The following ZEB2 variants were observed in gnomAD, a reference collection of about 807,000 sequenced individuals.
The protein encoded by ZEB2 is zinc finger E-box-binding homeobox 2.
Under a neutral mutation model 99.9 loss-of-function variants are expected in ZEB2, and 6 were observed. That is an observed-to-expected ratio of 0.06 (90% CI 0.03 to 0.12). The LOEUF (loss-of-function observed/expected upper bound fraction) is 0.12, where lower values mean the gene tolerates loss of function less well. ZEB2 is among the 10% of genes least tolerant of loss of function. ZEB2 has a pLI of 1.00. For synonymous variants in ZEB2, 517 were observed against 542.5 expected (o/e 0.95, Z 0.65); for missense variants, 969 against 1,502.8 (o/e 0.64, Z 5.87).
intron 2 of ZEB2, among the ~76,000 whole-genome samples, chr2:144,454,729 T>C (rs951902968): frequency 3.3e-5 from 5 of 152,208 alleles, no homozygotes; most frequent in Admixed American, 6.5e-5. Context: ...TCTCCACTTA[T>C]AGTTTATTCT....
chr2:144,518,268 C>T (rs1473814576), intron 1 of ZEB2: 1 of 152,000 alleles, frequency 6.6e-6, no homozygotes, highest in African/African-American at 2.4e-5. Context: ...TGATCGTATC[C>T]TTTCTGGCTT....
Position 144,517,722 on chromosome 2 carries a change from C to T in ZEB2, c.-69-303G>A, listed in dbSNP as rs1259576031. ...AATGCACACGGCGGTACAGTAAGAC[C>T]GCTTGACTCAGGGCTAGGCGGACCC... On this transcript the variant is annotated intron_variant, in intron 1 of 9. Coordinates refer to ENST00000627532, the MANE Select transcript of ZEB2 (RefSeq NM_014795.4). 3 of 702,624 alleles carry T rather than the reference C, an allele frequency of 4.3e-6. No individual in the cohort carries two copies. In the African/African-American group the frequency reaches 5.2e-5, roughly 12 times the overall value. The allele number at this position is 702,624 out of a possible 1,614,324, so 43.5% of individuals were successfully genotyped here.
chr2:144,512,327 G>A (rs1311213442), intron 2 of ZEB2: 2 of 1,287,206 alleles, frequency 1.6e-6, no homozygotes, highest in Admixed American at 4.6e-5. Flanking sequence ...AAAAACTGTT[G>A]CAAGGAAAAG....
At chr2:144,479,683 T>TGGGGGGGG (rs75706490) in intron 2 of ZEB2, among the ~76,000 whole-genome samples, 1 of 52,552 alleles carries the variant, frequency 1.9e-5, no homozygotes, top group African/African-American at 5.9e-5. Flanking sequence ...TACTTTTTTT[T>TGGGGGGGG]GGGGGGGGGG....
At chr2:144,414,937 C>T (rs149823648) in intron 4 of ZEB2, among the ~76,000 whole-genome samples, 6 of 114,690 alleles carry the variant, frequency 5.2e-5, no homozygotes, top group African/African-American at 2.1e-4. Flanking sequence ...AAAATGCCCA[C>T]TTCAGAGTGT....
intron 2 of ZEB2, among the ~76,000 whole-genome samples, chr2:144,453,311 T>A (rs1203932014): frequency 6.6e-6 from 1 of 152,192 alleles, no homozygotes; most frequent in Admixed American, 6.5e-5. Flanking sequence ...TATGCAAAAG[T>A]CCCCATTTGT....
At chr2:144,452,815 G>A (rs1258414025) in intron 2 of ZEB2, among the ~76,000 whole-genome samples, 1 of 152,126 alleles carries the variant, frequency 6.6e-6, no homozygotes, top group Non-Finnish European at 1.5e-5. Flanking sequence ...AGAGAGAGGA[G>A]GAAAAGCAAA....
At chr2:144,464,750 T>C (rs1352507598) in intron 2 of ZEB2, among the ~76,000 whole-genome samples, 1 of 152,192 alleles carries the variant, frequency 6.6e-6, no homozygotes, top group Admixed American at 6.5e-5. Context: ...ATACATATTA[T>C]GCATTAAATT....
chr2:144,389,632 T>A lies in ZEB2; in HGVS notation c.3464A>T (p.Asp1155Val). ...TTCCTCCTCGAACTCCTCGTCGCCATCCTGTCTGCCCAGCTTCCCGTAGCC... is the reference window on the plus strand; with the variant it reads ...TTCCTCCTCGAACTCCTCGTCGCCAACCTGTCTGCCCAGCTTCCCGTAGCC... ...EDGYGKLGRQ[D>V]GDEEFEEEEE... The change falls in exon 10 of 10, where the codon GAT (aspartate) becomes GTT (valine). Residue 1155 changes from aspartate (D) to valine (V), a missense_variant. Asp to Val is a radical substitution (Grantham distance 152). Around this residue, in one of 8 missense-constraint regions of ZEB2, gnomAD observed 121 missense variants for 166.4 expected, o/e 0.73. Coordinates refer to ENST00000627532, the MANE Select transcript of ZEB2 (RefSeq NM_014795.4). The surrounding 1 kb of genome is among the most constrained non-coding windows in gnomAD (Gnocchi z 6.8). The A allele has an allele frequency of 6.2e-7, 1 of 1,614,124 alleles. No individual in the cohort carries two copies. Among genetic ancestry groups the A allele is most frequent in the Non-Finnish European group, 8.5e-7 (1 of 1,180,014 alleles).
At chr2:144,497,533 C>G (rs1161119817) in intron 2 of ZEB2, among the ~76,000 whole-genome samples, 1 of 151,862 alleles carries the variant, frequency 6.6e-6, no homozygotes, top group East Asian at 1.9e-4. Context: ...ATTCAAAGCT[C>G]TGATCACTCT....
chr2:144,440,505 ATATATATATATTTTTTTTT>A (rs1162351135), intron 2 of ZEB2, among the ~76,000 whole-genome samples: 3 of 15,630 alleles, frequency 1.9e-4, no homozygotes, highest in African/African-American at 6.7e-4. Context: ...ATATATATAT[ATATATATATATTTTTTTTT>A]TTTTTTTTTT....
At chr2:144,499,100 C>G (rs1446122703) in intron 2 of ZEB2, among the ~76,000 whole-genome samples, 1 of 152,160 alleles carries the variant, frequency 6.6e-6, no homozygotes, top group African/African-American at 2.4e-5. Context: ...TCAGATTGAT[C>G]TGCCACAATT....
intron 2 of ZEB2, among the ~76,000 whole-genome samples, chr2:144,466,938 T>C (rs770056822): frequency 5.9e-5 from 9 of 152,292 alleles, no homozygotes; most frequent in Non-Finnish European, 1.3e-4. Flanking sequence ...GCTGCAGGTG[T>C]GCAGGCCTGG....
At chr2:144,451,856 C>A (rs1268108909) in intron 2 of ZEB2, among the ~76,000 whole-genome samples, 2 of 152,238 alleles carry the variant, frequency 1.3e-5, no homozygotes, top group Admixed American at 1.3e-4. Flanking sequence ...ATGCCTATTA[C>A]ATATGCATTA....
chr2:144,448,346 C>T (rs182345106), intron 2 of ZEB2, among the ~76,000 whole-genome samples: 15 of 152,256 alleles, frequency 9.9e-5, no homozygotes, highest in African/African-American at 2.9e-4. Flanking sequence ...TGCTGCCACC[C>T]TATGAGGTAG....
intron 1 of ZEB2, 108 bp from the exon 2 acceptor site, chr2:144,517,527 C>T (rs1705177909): frequency 4.1e-6 from 3 of 736,238 alleles, no homozygotes; most frequent in Admixed American, 4.1e-5. Context: ...CCATCCGCGC[C>T]CCCCAACGCC....
At chr2:144,464,528 T>G (rs1704244420) in intron 2 of ZEB2, among the ~76,000 whole-genome samples, 1 of 152,186 alleles carries the variant, frequency 6.6e-6, no homozygotes, top group Non-Finnish European at 1.5e-5. Flanking sequence ...TTACAAGCAA[T>G]CATTAGCTCA....
intron 1 of ZEB2, chr2:144,517,828 T>A (rs1374865772): frequency 3.7e-6 from 2 of 539,056 alleles, no homozygotes; most frequent in East Asian, 6.5e-5. Context: ...TCTTTTCTCA[T>A]CCCCCCACCC....
intron 2 of ZEB2, among the ~76,000 whole-genome samples, chr2:144,454,827 G>T (rs570622843): frequency 6.6e-6 from 1 of 152,088 alleles, no homozygotes; most frequent in African/African-American, 2.4e-5. Context: ...ATGATCCCTC[G>T]TTCCTGTAAA....
Sources: gnomAD v4.1 joint callset for allele counts (sites outside exome capture counted in the v4.1 genomes callset) on GRCh38, gnomAD v4.1.1 for gene constraint, gnomAD v4.1.1 regional missense constraint, Gnocchi (gnomAD v3.1) non-coding constraint, MANE v1.5 for transcripts, NCBI Gene and HGNC (gene_info 2026-07-23, HGNC 2026-07-21) for gene names.